Variants in RSPH4A observed in about 807,000 individuals in gnomAD.
RSPH4A encodes radial spoke head component 4A.
In RSPH4A, 47 loss-of-function variants were observed where a neutral mutation model predicts 71.0. The observed-to-expected ratio is 0.66, with a 90% CI of 0.52 to 0.84. The LOEUF is 0.84. Ranked by LOEUF, RSPH4A falls within the 40% of genes least tolerant of loss-of-function variation. The probability of loss-of-function intolerance (pLI) is 0.00; values close to 1 mark genes in which losing one functional copy is unlikely to be tolerated. For missense variants in RSPH4A, 793 were observed against 855.2 expected (o/e 0.93, Z 0.91); for synonymous variants, 282 against 302.3 (o/e 0.93, Z 0.70).
intron 1 of RSPH4A, among the ~76,000 whole-genome samples, chr6:116,619,026 A>G (rs1775557848): frequency 6.6e-6 from 1 of 152,236 alleles, no homozygotes. Flanking sequence ...AGGATATTAC[A>G]AAGGATGCAT....
Position 116,617,359 on chromosome 6 carries a change from T to C in RSPH4A, c.686+50T>C, listed in dbSNP as rs772333063. 5 of 1,313,556 alleles carry C rather than the reference T, an allele frequency of 3.8e-6. No homozygotes were observed. The South Asian group carries it at 6.3e-5, about 17-fold the overall frequency. The allele number at this position is 1,313,556 out of a possible 1,614,324, so 81.4% of individuals were successfully genotyped here. Reference sequence around the variant, plus strand: ...AAATGTTTGGCAAAGCAAGAGGGTGTGTGAGTATCTCTGTGTGAGAGTGTG... The same window carrying C: ...AAATGTTTGGCAAAGCAAGAGGGTGCGTGAGTATCTCTGTGTGAGAGTGTG... On this transcript the variant is annotated intron_variant, in intron 1 of 5. Transcript: ENST00000229554.
rs1775832335 is a variant in RSPH4A at position 116,632,946 on chromosome 6, A to T, written c.*505A>T. 1 of 167,978 alleles carries T rather than the reference A, an allele frequency of 6.0e-6. No homozygotes were observed. The highest frequency in any genetic ancestry group is 1.3e-5 in the Non-Finnish European group (1 of 76,856). 10.4% of individuals were successfully genotyped at this position (167,978 alleles called of 1,614,324 possible). On this transcript the variant is annotated 3_prime_UTR_variant, in exon 6 of 6. Transcript: ENST00000229554. Reference sequence around the variant, plus strand: ...GTAATGTATTCTTAACCTTTGTAAGAACTGATCTCAGCATGTATTCTTAAA... The same window carrying T: ...GTAATGTATTCTTAACCTTTGTAAGTACTGATCTCAGCATGTATTCTTAAA...
chr6:116,629,606 G>A lies in RSPH4A; in HGVS notation c.1702G>A (p.Glu568Lys). 2 of 1,612,416 alleles carry A rather than the reference G, an allele frequency of 1.2e-6. No individual in the cohort carries two copies. Among genetic ancestry groups the A allele is most frequent in the South Asian group, 2.2e-5 (2 of 91,032 alleles). Reference protein sequence around the residue: ...NWFNSIQKNEEEEEEEDEEKD... With the variant: ...NWFNSIQKNEKEEEEEDEEKD... ...GTTCAACTCCATACAAAAAAATGAG[G>A]AAGAAGAAGAGGAAGAAGATGAAGA... is the stretch of plus-strand genomic sequence containing the variant. The change falls in exon 4 of 6, where the codon GAA (glutamate) becomes AAA (lysine). Residue 568 changes from glutamate (E) to lysine (K), a missense_variant. Transcript: ENST00000229554.
intron 5 of RSPH4A, among the ~76,000 whole-genome samples, chr6:116,630,847 ATTTTTTT>A (rs10694358): frequency 1.1e-5 from 1 of 87,614 alleles, no homozygotes; most frequent in East Asian, 3.5e-4. Context: ...TAATTTTTGT[ATTTTTTT>A]TTTTTTTTTT....
Position 116,632,454 on chromosome 6 carries a change from T to C in RSPH4A, c.*13T>C. On this transcript the variant is annotated 3_prime_UTR_variant, in exon 6 of 6. Coordinates refer to ENST00000229554, the MANE Select transcript of RSPH4A (RefSeq NM_001010892.3). ...TGATTATGACTAATAAACATAAAATTAGCCTGGTTTTATGTGACACTGATA... is the reference window on the plus strand; with the variant it reads ...TGATTATGACTAATAAACATAAAATCAGCCTGGTTTTATGTGACACTGATA... 1.2e-6 allele frequency: 2 copies of C among 1,601,780 alleles called. No homozygotes were observed. Among genetic ancestry groups the C allele is most frequent in the Non-Finnish European group, 1.7e-6 (2 of 1,173,592 alleles).
rs1204292801 is a variant in RSPH4A, at chr6:116,616,608, T to A, written c.-16T>A. 4 of 1,601,304 alleles carry A rather than the reference T, an allele frequency of 2.5e-6. No individual in the cohort carries two copies. In the South Asian group the frequency reaches 4.4e-5, roughly 18 times the overall value. ...GCCCCTTTCATCCAGAACATTTTTT[T>A]TCTTGAACTGCTTCCATGGAGGACT... On this transcript the variant is annotated 5_prime_UTR_variant, in exon 1 of 6. Transcript: ENST00000229554.
At chr6:116,623,493 G>GT (rs995789977) in intron 2 of RSPH4A, among the ~76,000 whole-genome samples, 28 of 151,872 alleles carry the variant, frequency 1.8e-4, no homozygotes, top group African/African-American at 6.3e-4. Context: ...GGGATTTCTT[G>GT]TTTTTTTCAT....
chr6:116,628,097 G>T lies in RSPH4A; in HGVS notation c.1390G>T (p.Gly464Trp). Reference protein sequence around the residue: ...IARKIKKFFTGRLDAPIISYP... With the variant: ...IARKIKKFFTWRLDAPIISYP... The stretch of plus-strand genomic sequence containing the variant: ...AAGAAAAATCAAGAAATTTTTCACT[G>T]GGCGATTGGATGCTCCCATCATAAG... The change falls in exon 3 of 6, where the codon GGG (glycine) becomes TGG (tryptophan). Residue 464 changes from glycine to tryptophan, a missense_variant. Gly to Trp is a radical substitution (Grantham distance 184). Transcript: ENST00000229554. The T allele has an allele frequency of 1.9e-6, 3 of 1,614,160 alleles. No individual in the cohort carries two copies. Among genetic ancestry groups the T allele is most frequent in the Non-Finnish European group, 2.5e-6 (3 of 1,180,036 alleles).
At chr6:116,621,520 T>C (rs17078128) in intron 1 of RSPH4A, among the ~76,000 whole-genome samples, 5,106 of 152,286 alleles carry the variant, frequency 0.034, 254 homozygotes, top group African/African-American at 0.11. Context: ...AAGAACGTAC[T>C]GCAGTTGCTG....
At chr6:116,621,843 T>C (rs1398022561) in intron 1 of RSPH4A, among the ~76,000 whole-genome samples, 1 of 152,166 alleles carries the variant, frequency 6.6e-6, no homozygotes, top group Non-Finnish European at 1.5e-5. Flanking sequence ...AATTTCCACA[T>C]TGAACAGAGG....
chr6:116,620,590 C>T (rs545882642), intron 1 of RSPH4A, among the ~76,000 whole-genome samples: 90 of 152,264 alleles, frequency 5.9e-4, no homozygotes, highest in African/African-American at 2.1e-3. Flanking sequence ...TATTACTCCT[C>T]TCTAATAGAA....
chr6:116,617,615 A>G (rs1162699833), intron 1 of RSPH4A, among the ~76,000 whole-genome samples: 1 of 152,036 alleles, frequency 6.6e-6, no homozygotes, highest in Non-Finnish European at 1.5e-5. Context: ...AAAAGACCAT[A>G]AAGACCATAA....
At chr6:116,621,852 G>A (rs895267066) in intron 1 of RSPH4A, among the ~76,000 whole-genome samples, 1 of 152,088 alleles carries the variant, frequency 6.6e-6, no homozygotes, top group Non-Finnish European at 1.5e-5. Flanking sequence ...ATTGAACAGA[G>A]GATTTTTTTC....
Position 116,627,799 on chromosome 6 carries a change from G to A in RSPH4A, c.1092G>A (p.Met364Ile). The A allele has an allele frequency of 6.2e-7, 1 of 1,614,118 alleles. No individual in the cohort carries two copies. Among genetic ancestry groups the A allele is most frequent in the African/African-American group, 1.3e-5 (1 of 75,024 alleles). Residue 364 changes from methionine (M) to isoleucine (I), a missense_variant, in exon 3 of 6, where the codon ATG (methionine) becomes ATA (isoleucine). Met to Ile is a conservative substitution (Grantham distance 10, BLOSUM62 1). Coordinates refer to ENST00000229554, the MANE Select transcript of RSPH4A (RefSeq NM_001010892.3). ...RFWGKILGLE[M>I]NYIVAEVEFR... is the part of the protein sequence containing the mutation. ...GGGGAAAGATCTTGGGTCTGGAAATGAATTATATTGTAGCTGAAGTGGAAT... is the reference window on the plus strand; with the variant it reads ...GGGGAAAGATCTTGGGTCTGGAAATAAATTATATTGTAGCTGAAGTGGAAT...
intron 4 of RSPH4A, 78 bp downstream of exon 4, chr6:116,629,780 G>A: frequency 1.5e-6 from 2 of 1,360,158 alleles, no homozygotes; most frequent in Middle Eastern, 2.5e-4. Context: ...GTAAATATGA[G>A]AGTCGGAAAG....
At chr6:116,627,563 A>G in intron 2 of RSPH4A, 66 bp from the exon 3 acceptor site, 1 of 1,237,302 alleles carries the variant, frequency 8.1e-7, no homozygotes, top group Non-Finnish European at 1.2e-6. Context: ...GAGATACATG[A>G]AAAAGACAAG....
In RSPH4A at chr6:116,622,946, G is replaced by C. The variant is rs923257747; in HGVS notation, c.865G>C (p.Ala289Pro). ...ATATGAAATAGCAGAAAAGCAAAAG[G>C]CTCTTTTTCTCCAGGGACATTTGGA... Reference protein sequence around the residue: ...PTYEIAEKQKALFLQGHLEGV... With the variant: ...PTYEIAEKQKPLFLQGHLEGV... Residue 289 changes from alanine (A) to proline (P), a missense_variant, in exon 2 of 6, where the codon GCT (alanine) becomes CCT (proline). By Grantham distance (27) the Ala-to-Pro change is conservative. Transcript: ENST00000229554. 7 of 1,613,802 alleles carry C rather than the reference G, an allele frequency of 4.3e-6. No homozygotes were observed. The highest frequency in any genetic ancestry group is 1.3e-5 in the African/African-American group (1 of 75,008).
chr6:116,619,360 T>G (rs543810110), intron 1 of RSPH4A, among the ~76,000 whole-genome samples: 2 of 152,120 alleles, frequency 1.3e-5, no homozygotes, highest in South Asian at 4.1e-4. Context: ...ACAAAGTAGG[T>G]TAGAGAATTT....
At chr6:116,629,218 A>C (rs900661663) in intron 3 of RSPH4A, among the ~76,000 whole-genome samples, 5 of 152,228 alleles carry the variant, frequency 3.3e-5, no homozygotes, top group African/African-American at 1.2e-4. Context: ...TGTTAATAAT[A>C]ATCATCATAA....
Sources: gnomAD v4.1 joint callset for allele counts (sites outside exome capture counted in the v4.1 genomes callset) on GRCh38, gnomAD v4.1.1 for gene constraint, MANE v1.5 for transcripts, NCBI Gene and HGNC (gene_info 2026-07-23, HGNC 2026-07-21) for gene names.